TNFRSF8: variants seen among roughly 807,000 people sequenced by gnomAD.
TNFRSF8 encodes tumor necrosis factor receptor superfamily member 8.
Under a neutral mutation model 70.8 loss-of-function variants are expected in TNFRSF8, and 26 were observed. The observed-to-expected ratio is 0.37, with a 90% CI of 0.27 to 0.51. The LOEUF (loss-of-function observed/expected upper bound fraction) is 0.51, where lower values mean the gene tolerates loss of function less well. TNFRSF8 is among the 20% of genes least tolerant of loss of function. The probability of loss-of-function intolerance (pLI) is 0.94; values close to 1 mark genes in which losing one functional copy is unlikely to be tolerated. For synonymous variants in TNFRSF8, 356 were observed against 339.2 expected (o/e 1.05, Z -0.54); for missense variants, 720 against 807.9 (o/e 0.89, Z 1.32).
chr1:12,086,200 G>A (rs1191236480), intron 2 of TNFRSF8, among the ~76,000 whole-genome samples: 1 of 152,200 alleles, frequency 6.6e-6, no homozygotes, highest in African/African-American at 2.4e-5. Flanking sequence ...TCCCCCATGA[G>A]ATGCAGACCA....
rs11121872 is a variant in TNFRSF8 at position 12,113,362 on chromosome 1, C to T, written c.793+1348C>T. ...TCTTTTTTTGTATTTTTAGTAGAGACGGGGTTTCACCATGTTGGCCAGGCT... is the reference window on the plus strand; with the variant it reads ...TCTTTTTTTGTATTTTTAGTAGAGATGGGGTTTCACCATGTTGGCCAGGCT... On this transcript the variant is annotated intron_variant, in intron 7 of 14. Coordinates refer to ENST00000263932, the MANE Select transcript of TNFRSF8 (RefSeq NM_001243.5). This position sits in a 1 kb window ranked among gnomAD's most constrained non-coding sequence, Gnocchi z 4.9. Among the ~76,000 whole-genome samples, 56 of 152,156 alleles carry T rather than the reference C, an allele frequency of 3.7e-4. No homozygotes were observed. The highest frequency in any genetic ancestry group is 1.2e-3 in the African/African-American group (51 of 41,488).
rs528057577 is a variant in TNFRSF8, at chr1:12,112,368, C to T, written c.793+354C>T. Among the ~76,000 whole-genome samples the T allele has an allele frequency of 3.3e-5, 5 of 151,838 alleles. No individual in the cohort carries two copies. The South Asian group carries it at 1.0e-3, about 32-fold the overall frequency. ...GTTCCAGGTTCTCGTCCACTCCACT[C>T]GCTGCCCCTATGAGCCACTTATTCT... On this transcript the variant is annotated intron_variant, in intron 7 of 14. Coordinates refer to ENST00000263932, the MANE Select transcript of TNFRSF8 (RefSeq NM_001243.5). This position sits in a 1 kb window ranked among gnomAD's most constrained non-coding sequence, Gnocchi z 5.3.
chr1:12,086,755 G>A (rs1164115158), intron 2 of TNFRSF8, among the ~76,000 whole-genome samples: 1 of 151,848 alleles, frequency 6.6e-6, no homozygotes, highest in Non-Finnish European at 1.5e-5. Context: ...CTTGCAGATG[G>A]CAGTCTTCTC....
chr1:12,095,885 A>T (rs1486530567), intron 2 of TNFRSF8, among the ~76,000 whole-genome samples: 1 of 152,108 alleles, frequency 6.6e-6, no homozygotes, highest in Non-Finnish European at 1.5e-5. Context: ...TTTCTCTCCA[A>T]CTCTGGCTTC....
intron 3 of TNFRSF8, among the ~76,000 whole-genome samples, chr1:12,098,021 G>C (rs11121857): frequency 0.024 from 3,661 of 151,982 alleles, 172 homozygotes; most frequent in African/African-American, 0.085. Context: ...GATTTTCATT[G>C]TGTTCTTTCT....
intron 1 of TNFRSF8, among the ~76,000 whole-genome samples, chr1:12,075,666 T>C (rs1294608997): frequency 6.6e-6 from 1 of 152,234 alleles, no homozygotes; most frequent in Non-Finnish European, 1.5e-5. Context: ...TGAGCACATA[T>C]GTGAATATAT....
chr1:12,089,459 C>T (rs1370376333), intron 2 of TNFRSF8, among the ~76,000 whole-genome samples: 2 of 152,150 alleles, frequency 1.3e-5, no homozygotes, highest in Admixed American at 6.5e-5. Flanking sequence ...CCTGTCCATC[C>T]CACTCGCAGG....
intron 1 of TNFRSF8, among the ~76,000 whole-genome samples, chr1:12,075,794 C>T (rs1167746687): frequency 6.6e-6 from 1 of 152,210 alleles, no homozygotes; most frequent in African/African-American, 2.4e-5. Flanking sequence ...TAAAAACCGC[C>T]TAAATCCAGC....
chr1:12,130,727 G>T (rs1040422564), intron 12 of TNFRSF8, among the ~76,000 whole-genome samples: 1 of 152,256 alleles, frequency 6.6e-6, no homozygotes. Context: ...TTGTGCAAGG[G>T]GGCCTGCTGC....
chr1:12,105,136 G>A (rs1005741245), intron 4 of TNFRSF8, among the ~76,000 whole-genome samples: 2 of 152,160 alleles, frequency 1.3e-5, no homozygotes, highest in African/African-American at 4.8e-5. Context: ...TGAGGAGTGG[G>A]TGGGCTTTGG....
intron 2 of TNFRSF8, among the ~76,000 whole-genome samples, chr1:12,085,594 T>A (rs1364166251): frequency 6.6e-6 from 1 of 152,280 alleles, no homozygotes; most frequent in East Asian, 1.9e-4. Context: ...CAGGTGTTTA[T>A]CCTGGGACAA....
chr1:12,111,864 G>T, intron 6 of TNFRSF8, 34 bp from the exon 7 acceptor site: 1 of 1,596,644 alleles, frequency 6.3e-7, no homozygotes, highest in Non-Finnish European at 8.6e-7. Flanking sequence ...TGCCAAGGCG[G>T]CCTGGCCTGC....
intron 3 of TNFRSF8, among the ~76,000 whole-genome samples, chr1:12,100,367 A>T (rs556837249): frequency 1.3e-5 from 2 of 152,248 alleles, no homozygotes; most frequent in East Asian, 3.9e-4. Context: ...TAAATTTATA[A>T]GACACATTTT....
chr1:12,097,826 G>A (rs547605658), intron 3 of TNFRSF8, among the ~76,000 whole-genome samples: 3 of 152,214 alleles, frequency 2.0e-5, no homozygotes, highest in South Asian at 2.1e-4. Context: ...TTTTCAGAGT[G>A]TTCAGTGTAT....
chr1:12,136,466 T>C (rs1216367545), intron 13 of TNFRSF8, among the ~76,000 whole-genome samples: 2 of 151,938 alleles, frequency 1.3e-5, no homozygotes, highest in African/African-American at 2.4e-5. Context: ...CTTGCCAACA[T>C]AGTGAAACCC....
rs535243804 is a variant in TNFRSF8, at chr1:12,095,437, G to A, written c.152-1664G>A. Among the ~76,000 whole-genome samples the A allele has an allele frequency of 3.4e-3, 515 of 152,044 alleles. 3 individuals carry two copies. The highest frequency in any genetic ancestry group is 0.012 in the African/African-American group (492 of 41,460). ...CCAGTAGCTGGGATTACAGGCGCCT[G>A]CCACGACACCCAGCTAATTTTTGTA... is the stretch of plus-strand genomic sequence containing the variant. On this transcript the variant is annotated intron_variant, in intron 2 of 14. Transcript: ENST00000263932.
intron 1 of TNFRSF8, among the ~76,000 whole-genome samples, chr1:12,067,457 G>A (rs192222008): frequency 2.0e-5 from 3 of 152,190 alleles, no homozygotes; most frequent in African/African-American, 7.2e-5. Context: ...GGGAGGCCAA[G>A]ACAGGCAGAT....
At position 12,113,987 on chromosome 1, in the gene TNFRSF8, G is replaced by T. The variant is rs1197981969; in HGVS notation, c.794-1590G>T. 2.0e-5 allele frequency among the ~76,000 whole-genome samples: 3 copies of T among 152,176 alleles called. No homozygotes were observed. Among genetic ancestry groups the T allele is most frequent in the Non-Finnish European group, 2.9e-5 (2 of 68,036 alleles). On this transcript the variant is annotated intron_variant, in intron 7 of 14. Coordinates refer to ENST00000263932, the MANE Select transcript of TNFRSF8 (RefSeq NM_001243.5). This position sits in a 1 kb window ranked among gnomAD's most constrained non-coding sequence, Gnocchi z 4.9. The stretch of plus-strand genomic sequence containing the variant: ...TGCAGCCATGTTTTGGGGAAATACA[G>T]TCTGCCACAACCACCATGTGGACAT...
intron 12 of TNFRSF8, 86 bp from the exon 13 acceptor site, chr1:12,135,502 A>C: frequency 7.4e-7 from 1 of 1,360,452 alleles, no homozygotes; most frequent in Non-Finnish European, 9.8e-7. Flanking sequence ...CCTGTGATCC[A>C]GGAGGACCAT....
Sources: allele counts gnomAD v4.1 joint callset (sites outside exome capture counted in the v4.1 genomes callset), GRCh38; gene constraint gnomAD v4.1.1; non-coding constraint Gnocchi (gnomAD v3.1); transcripts MANE v1.5; gene names NCBI Gene and HGNC (gene_info 2026-07-23, HGNC 2026-07-21).